Variants in NME7 observed in about 807,000 individuals in gnomAD.
NME7 encodes the protein NME/NM23 family member 7.
In NME7, 41 loss-of-function variants were observed where a neutral mutation model predicts 49.1. That is an observed-to-expected ratio of 0.83 (90% CI 0.65 to 1.08). NME7 has a LOEUF of 1.08. NME7 is among the 50% of genes least tolerant of loss of function. The pLI, the probability that NME7 is intolerant of heterozygous loss-of-function variation, is 0.00. For missense variants in NME7, 423 were observed against 463.4 expected, an observed-to-expected ratio of 0.91 and a Z score of 0.80; for synonymous variants, 139 against 150.6, an observed-to-expected ratio of 0.92 and a Z score of 0.56.
chr1:169,257,713 T>C (rs1436706388), intron 7 of NME7, among the ~76,000 whole-genome samples: 1 of 134,490 alleles, frequency 7.4e-6, no homozygotes, highest in Admixed American at 7.3e-5. Flanking sequence ...GCATTTTCAA[T>C]AGAGCTGGTC....
chr1:169,329,945 A>G (rs1652194255), intron 1 of NME7, among the ~76,000 whole-genome samples: 1 of 152,222 alleles, frequency 6.6e-6, no homozygotes, highest in Non-Finnish European at 1.5e-5. Context: ...AAAAGCAGCA[A>G]GAGTAAAGAA....
At chr1:169,354,894 A>G (rs1246590965) in intron 1 of NME7, among the ~76,000 whole-genome samples, 1 of 124,166 alleles carries the variant, frequency 8.1e-6, no homozygotes, top group Non-Finnish European at 1.6e-5. Flanking sequence ...TATAATGAAT[A>G]TAATATAAAA....
chr1:169,360,177 C>T (rs181286521), intron 1 of NME7, among the ~76,000 whole-genome samples: 7 of 152,280 alleles, frequency 4.6e-5, no homozygotes, highest in Admixed American at 2.0e-4. Context: ...ATATGTAGCT[C>T]TGCTCGCCAC....
chr1:169,233,775 T>C (rs747724799), intron 9 of NME7, among the ~76,000 whole-genome samples: 1 of 152,172 alleles, frequency 6.6e-6, no homozygotes, highest in Non-Finnish European at 1.5e-5. Context: ...GCCTCTGATA[T>C]TGAAGTACTG....
At chr1:169,346,217 C>T (rs1055332073) in intron 1 of NME7, among the ~76,000 whole-genome samples, 2 of 152,076 alleles carry the variant, frequency 1.3e-5, no homozygotes, top group Non-Finnish European at 2.9e-5. Flanking sequence ...AATTGTATCA[C>T]CTCATTCCTC....
intron 1 of NME7, among the ~76,000 whole-genome samples, chr1:169,335,490 T>A (rs565970568): frequency 1.3e-5 from 2 of 151,500 alleles, no homozygotes; most frequent in African/African-American, 4.8e-5. Context: ...TTCTCACTCA[T>A]AAGTGGGAGG....
intron 7 of NME7, among the ~76,000 whole-genome samples, chr1:169,256,178 C>T (rs1648923455): frequency 7.5e-6 from 1 of 133,396 alleles, no homozygotes; most frequent in Non-Finnish European, 1.8e-5. Context: ...TGGTTCCATT[C>T]TCCCCATCAC....
At chr1:169,210,782 T>C (rs1660789403) in intron 10 of NME7, among the ~76,000 whole-genome samples, 1 of 152,082 alleles carries the variant, frequency 6.6e-6, no homozygotes, top group African/African-American at 2.4e-5. Context: ...GGCAATATAA[T>C]ACCTCTAGAG....
chr1:169,213,456 T>A (rs188100761), intron 10 of NME7, among the ~76,000 whole-genome samples: 1 of 152,340 alleles, frequency 6.6e-6, no homozygotes, highest in African/African-American at 2.4e-5. Flanking sequence ...TCTATTTTTT[T>A]AAATTTTGCC....
chr1:169,180,203 T>C (rs957534184), intron 10 of NME7, among the ~76,000 whole-genome samples: 12 of 152,170 alleles, frequency 7.9e-5, no homozygotes, highest in African/African-American at 2.7e-4. Context: ...GCCCATAAAA[T>C]GTCTAATGGT....
intron 10 of NME7, among the ~76,000 whole-genome samples, chr1:169,177,217 C>G (rs1659778861): frequency 6.6e-6 from 1 of 152,154 alleles, no homozygotes; most frequent in South Asian, 2.1e-4. Flanking sequence ...ACTCTTGGCA[C>G]TTCTAACATC....
At chr1:169,141,408 A>T (rs933726458) in intron 11 of NME7, among the ~76,000 whole-genome samples, 1 of 152,198 alleles carries the variant, frequency 6.6e-6, no homozygotes, top group Non-Finnish European at 1.5e-5. Context: ...TACCTTGGGT[A>T]TTGATAAGGA....
intron 10 of NME7, among the ~76,000 whole-genome samples, chr1:169,176,973 T>G (rs1202793725): frequency 1.3e-5 from 2 of 152,166 alleles, no homozygotes; most frequent in Non-Finnish European, 2.9e-5. Context: ...TAACCTTTAA[T>G]GTATACTCAC....
chr1:169,339,536 A>C (rs1652606263), intron 1 of NME7, among the ~76,000 whole-genome samples: 1 of 152,234 alleles, frequency 6.6e-6, no homozygotes, highest in Admixed American at 6.5e-5. Flanking sequence ...GAAAATAACA[A>C]TATAAATGCT....
chr1:169,293,528 G>A (rs1296860422), intron 6 of NME7, among the ~76,000 whole-genome samples: 2 of 152,040 alleles, frequency 1.3e-5, no homozygotes, highest in African/African-American at 4.8e-5. Flanking sequence ...GAGCACTCTA[G>A]ACTGTTACAC....
intron 1 of NME7, among the ~76,000 whole-genome samples, chr1:169,364,009 T>C (rs1653758818): frequency 6.6e-6 from 1 of 152,246 alleles, no homozygotes; most frequent in Non-Finnish European, 1.5e-5. Context: ...ATTCTAACTA[T>C]TGAAATTCTA....
At chr1:169,207,713 T>C (rs1660711650) in intron 10 of NME7, among the ~76,000 whole-genome samples, 2 of 152,084 alleles carry the variant, frequency 1.3e-5, no homozygotes, top group Non-Finnish European at 2.9e-5. Context: ...AACAGGACAA[T>C]GTTACTTTCT....
chr1:169,358,946 A>G (rs1303131686), intron 1 of NME7, among the ~76,000 whole-genome samples: 1 of 152,134 alleles, frequency 6.6e-6, no homozygotes, highest in Non-Finnish European at 1.5e-5. Context: ...ATGGATGTCT[A>G]TAAAAATGTG....
intron 3 of NME7, among the ~76,000 whole-genome samples, chr1:169,318,924 G>A (rs982628720): frequency 6.6e-6 from 1 of 151,992 alleles, no homozygotes; most frequent in African/African-American, 2.4e-5. Flanking sequence ...ACAACCAGGG[G>A]AAGACAGAAT....
Sources: allele counts gnomAD v4.1 joint callset (sites outside exome capture counted in the v4.1 genomes callset), GRCh38; gene constraint gnomAD v4.1.1; transcripts MANE v1.5; gene names NCBI Gene and HGNC (gene_info 2026-07-23, HGNC 2026-07-21).